PGLYRP3: variants seen among roughly 807,000 people sequenced by gnomAD.
PGLYRP3 encodes peptidoglycan recognition protein 3.
PGLYRP3 carries 39 observed loss-of-function variants against 36.0 expected under a neutral mutation model. The ratio of observed to expected loss-of-function variants is 1.08; its 90% confidence interval spans 0.84 to 1.41. The LOEUF is 1.41. Among genes scored for constraint, PGLYRP3 ranks in the 40% most tolerant of loss-of-function variants. The pLI is 0.00. For missense variants in PGLYRP3, 407 were observed against 427.9 expected, an observed-to-expected ratio of 0.95 and a Z score of 0.43; for synonymous variants, 204 against 172.8, an observed-to-expected ratio of 1.18 and a Z score of -1.42.
At chr1:153,311,339 G>A (rs569660666) in intron 1 of PGLYRP3, among the ~76,000 whole-genome samples, 2 of 152,190 alleles carry the variant, frequency 1.3e-5, no homozygotes, top group Non-Finnish European at 2.9e-5. Context: ...TATTCACTAA[G>A]TAGTCTCACA....
At chr1:153,303,738 G>A in intron 5 of PGLYRP3, 119 bp downstream of exon 5, 1 of 1,202,504 alleles carries the variant, frequency 8.3e-7, no homozygotes, top group Admixed American at 2.2e-5. Flanking sequence ...AAGTAGGCAT[G>A]AGATGTTCTT....
Position 153,297,547 on chromosome 1 carries a change from G to GA in PGLYRP3, c.*408dup. ...GGAAGGAAGGAAGGAAGGAAGGAAG[G>GA]AAGGAAAGAAAGAAAAAGAAAGAAA... On this transcript the variant is annotated 3_prime_UTR_variant, in exon 8 of 8. Transcript: ENST00000683862. 1.3e-4 allele frequency among the ~76,000 whole-genome samples: 10 copies of GA among 79,784 alleles called. No individual in the cohort carries two copies. Among genetic ancestry groups the GA allele is most frequent in the African/African-American group, 2.0e-4 (4 of 20,038 alleles). The allele number at this position is 79,784 out of a possible 152,430, so 52.3% of individuals were successfully genotyped here.
chr1:153,299,075 A>C, intron 7 of PGLYRP3, 38 bp downstream of exon 7: 1 of 1,547,186 alleles, frequency 6.5e-7, no homozygotes, highest in Non-Finnish European at 8.9e-7. Flanking sequence ...ATGGTCCTTC[A>C]ACCCCCAGCA....
chr1:153,300,337 C>T (rs529872221), intron 6 of PGLYRP3, among the ~76,000 whole-genome samples: 2 of 152,222 alleles, frequency 1.3e-5, no homozygotes, highest in African/African-American at 4.8e-5. Context: ...AATCACCCCC[C>T]ACAAAGCCTT....
intron 3 of PGLYRP3, among the ~76,000 whole-genome samples, 166 bp downstream of exon 3, chr1:153,306,900 C>T (rs1659750679): frequency 1.3e-5 from 2 of 152,228 alleles, no homozygotes; most frequent in South Asian, 4.1e-4. Context: ...ATCCCTCTTA[C>T]AATCCCCGAA....
intron 2 of PGLYRP3, among the ~76,000 whole-genome samples, chr1:153,307,597 C>T (rs1034890333): frequency 6.6e-6 from 1 of 152,156 alleles, no homozygotes; most frequent in African/African-American, 2.4e-5. Context: ...CCAACCCCGC[C>T]GCCCACCCTG....
rs765652972 is a variant in PGLYRP3 at position 153,310,572 on chromosome 1, T to C, written c.55+39A>G. 56 of 1,597,254 alleles carry C rather than the reference T, an allele frequency of 3.5e-5. 1 individual carries two copies. The South Asian group carries it at 6.0e-4, about 17-fold the overall frequency. Reference sequence around the variant, plus strand: ...AAACTTGAGAACGGTCTTCTCTTGCTCATCAAAAGCACTTCTGATGCAAGT... The same window carrying C: ...AAACTTGAGAACGGTCTTCTCTTGCCCATCAAAAGCACTTCTGATGCAAGT... On this transcript the variant is annotated intron_variant, in intron 2 of 7. Transcript: ENST00000683862.
At chr1:153,301,018 G>C (rs905656351) in intron 6 of PGLYRP3, among the ~76,000 whole-genome samples, 1 of 152,134 alleles carries the variant, frequency 6.6e-6, no homozygotes, top group Admixed American at 6.5e-5. Context: ...AGGCTCAAGC[G>C]ATCCTCCGTT....
intron 7 of PGLYRP3, among the ~76,000 whole-genome samples, chr1:153,298,524 T>C (rs1189212515): frequency 1.3e-5 from 2 of 152,062 alleles, no homozygotes. Context: ...GCGCCTGTAG[T>C]CCCAGCTACT....
intron 6 of PGLYRP3, among the ~76,000 whole-genome samples, chr1:153,299,854 G>T (rs1032403807): frequency 1.3e-5 from 2 of 152,238 alleles, no homozygotes; most frequent in South Asian, 4.1e-4. Flanking sequence ...ACCAATCATG[G>T]CTTGTCAATT....
In PGLYRP3 at chr1:153,302,523, A is replaced by T. The variant is rs771876620; in HGVS notation, c.614T>A (p.Ile205Asn). ...PKMNLPAKYV[I>N]IIHTAGTSCT... ...GCTTGTGCCAGCGGTGTGGATGATG[A>T]TGACATATTTGGCTGGGAGGTTCAT... The change falls in exon 6 of 8, where the codon ATC becomes AAC. Residue 205 changes from isoleucine to asparagine, a missense_variant. Coordinates refer to ENST00000683862, the MANE Select transcript of PGLYRP3 (RefSeq NM_052891.3). 25 of 1,614,080 alleles carry T rather than the reference A, an allele frequency of 1.5e-5. No homozygotes were observed. The highest frequency in any genetic ancestry group is 2.1e-5 in the Non-Finnish European group (25 of 1,180,036).
intron 1 of PGLYRP3, 129 bp from the exon 2 acceptor site, chr1:153,310,835 G>T (rs780543062): frequency 4.2e-5 from 26 of 618,526 alleles, no homozygotes; most frequent in African/African-American, 7.4e-5. Flanking sequence ...CCTGGCTCAG[G>T]CTTCTCGGGG....
chr1:153,309,639 C>T (rs1344836643), intron 2 of PGLYRP3, among the ~76,000 whole-genome samples: 1 of 152,180 alleles, frequency 6.6e-6, no homozygotes, highest in South Asian at 2.1e-4. Context: ...GGACAGGAGC[C>T]CACCTCAGCA....
intron 5 of PGLYRP3, among the ~76,000 whole-genome samples, chr1:153,303,030 A>C (rs821428): frequency 0.44 from 66,406 of 152,120 alleles, 14,902 homozygotes; most frequent in East Asian, 0.58. Flanking sequence ...TCTAGAGAGA[A>C]CTGTACAAAT....
intron 7 of PGLYRP3, 139 bp downstream of exon 7, chr1:153,298,974 A>G (rs1388973130): frequency 4.3e-6 from 3 of 705,588 alleles, no homozygotes; most frequent in African/African-American, 1.8e-5. Flanking sequence ...GACATCCTGT[A>G]TTAAGAGTCC....
chr1:153,299,226 A>G lies in PGLYRP3; in HGVS notation c.734T>C (p.Leu245Pro). ...RNFCDIGYHF[L>P]VGQDGGVYEG... The stretch of plus-strand genomic sequence containing the variant: ...ATACACGCCACCATCCTGGCCCACC[A>G]GGAAGCTTAGGTCAGGAAAAGAAAA... Residue 245 changes from leucine to proline, a missense_variant, in exon 7 of 8, where the codon CTG (leucine) becomes CCG (proline). Transcript: ENST00000683862. The G allele has an allele frequency of 6.2e-7, 1 of 1,613,364 alleles. No individual in the cohort carries two copies. The highest frequency in any genetic ancestry group is 8.5e-7 in the Non-Finnish European group (1 of 1,179,388).
chr1:153,308,024 T>C (rs181912042), intron 2 of PGLYRP3, among the ~76,000 whole-genome samples: 3 of 151,444 alleles, frequency 2.0e-5, no homozygotes, highest in Admixed American at 2.0e-4. Context: ...AAATGGAGTC[T>C]CGCGCTGTCA....
intron 3 of PGLYRP3, among the ~76,000 whole-genome samples, chr1:153,305,862 C>T (rs1208369023): frequency 1.3e-5 from 2 of 152,252 alleles, no homozygotes; most frequent in Non-Finnish European, 2.9e-5. Context: ...TTCACAGGTT[C>T]CTTGGTCACT....
intron 5 of PGLYRP3, 49 bp from the exon 6 acceptor site, chr1:153,302,656 T>C (rs1413656206): frequency 1.3e-6 from 2 of 1,573,578 alleles, no homozygotes; most frequent in African/African-American, 2.7e-5. Context: ...TTTGCCTCTC[T>C]GTGAGCAATC....
Sources: allele counts gnomAD v4.1 joint callset (sites outside exome capture counted in the v4.1 genomes callset), GRCh38; gene constraint gnomAD v4.1.1; transcripts MANE v1.5; gene names NCBI Gene and HGNC (gene_info 2026-07-23, HGNC 2026-07-21).